Variants in SEL1L observed in about 807,000 individuals in gnomAD.
SEL1L encodes the protein SEL1L adaptor subunit of SYVN1 ubiquitin ligase.
SEL1L carries 52 observed loss-of-function variants against 109.8 expected under a neutral mutation model. That is an observed-to-expected ratio of 0.47 (90% CI 0.38 to 0.60). The LOEUF (loss-of-function observed/expected upper bound fraction) is 0.60, where lower values mean the gene tolerates loss of function less well. SEL1L is among the 20% of genes least tolerant of loss of function. The pLI is 0.00. For missense variants in SEL1L, 749 were observed against 962.2 expected, an observed-to-expected ratio of 0.78 and a Z score of 2.93; for synonymous variants, 373 against 339.6, an observed-to-expected ratio of 1.10 and a Z score of -1.08.
At chr14:81,480,847 G>A (rs1903331751) in intron 19 of SEL1L, among the ~76,000 whole-genome samples, 3 of 152,194 alleles carry the variant, frequency 2.0e-5, no homozygotes, top group Admixed American at 6.5e-5. Context: ...TGTATGCACA[G>A]CAACGTTTCT....
At chr14:81,487,729 T>G in intron 15 of SEL1L, 126 bp downstream of exon 15, 1 of 1,516,728 alleles carries the variant, frequency 6.6e-7, no homozygotes, top group Non-Finnish European at 8.8e-7. Flanking sequence ...TACAAATCAT[T>G]GAACTGGGAG....
chr14:81,487,726 C>T, intron 15 of SEL1L, 129 bp downstream of exon 15: 1 of 1,513,258 alleles, frequency 6.6e-7, no homozygotes, highest in Non-Finnish European at 8.8e-7. Context: ...ATGTACAAAT[C>T]ATTGAACTGG....
At chr14:81,529,637 G>A (rs1885250523) in intron 1 of SEL1L, among the ~76,000 whole-genome samples, 8 of 152,156 alleles carry the variant, frequency 5.3e-5, no homozygotes, top group Admixed American at 5.2e-4. Flanking sequence ...TATTTCATGT[G>A]AATTGCATCA....
chr14:81,496,181 G>A (rs555705786), intron 10 of SEL1L, among the ~76,000 whole-genome samples: 4 of 151,880 alleles, frequency 2.6e-5, no homozygotes, highest in Admixed American at 1.3e-4. Context: ...AAAATTAGCC[G>A]GGCATGGTAG....
chr14:81,475,514 G>C lies in SEL1L; in HGVS notation c.*1458C>G, dbSNP rs533684385. The C allele has an allele frequency of 6.6e-6, 1 of 152,182 alleles. No individual in the cohort carries two copies. Among genetic ancestry groups the C allele is most frequent in the South Asian group, 2.1e-4 (1 of 4,828 alleles). 9.4% of individuals were successfully genotyped at this position (152,182 alleles called of 1,614,324 possible). ...ACTTTTCAAGTTTTCTGGCAGATGA[G>C]GGATTCTGGGAAAAAAGCATGAAGG... On this transcript the variant is annotated 3_prime_UTR_variant, in exon 21 of 21. Transcript: ENST00000336735.
intron 4 of SEL1L, among the ~76,000 whole-genome samples, chr14:81,505,873 C>T (rs1884219113): frequency 6.6e-6 from 1 of 152,140 alleles, no homozygotes; most frequent in East Asian, 1.9e-4. Flanking sequence ...CTAAATAAAA[C>T]GTGAGTGTGA....
chr14:81,525,660 T>C (rs986287884), intron 3 of SEL1L, among the ~76,000 whole-genome samples: 3 of 152,136 alleles, frequency 2.0e-5, no homozygotes, highest in South Asian at 2.1e-4. Context: ...TTTTCACAGA[T>C]AGGCACAAAG....
chr14:81,527,166 T>TA (rs1173974812), intron 2 of SEL1L, among the ~76,000 whole-genome samples: 26 of 152,146 alleles, frequency 1.7e-4, no homozygotes, highest in African/African-American at 6.3e-4. Flanking sequence ...AATTTCAACT[T>TA]AGATGTTACT....
intron 3 of SEL1L, among the ~76,000 whole-genome samples, chr14:81,518,655 C>T (rs7144154): frequency 0.064 from 7,531 of 117,156 alleles, 730 homozygotes; most frequent in African/African-American, 0.24. Context: ...AGCGAGACTT[C>T]GTCTAAAAAA....
chr14:81,498,635 T>C, intron 8 of SEL1L, 141 bp from the exon 9 acceptor site: 2 of 624,416 alleles, frequency 3.2e-6, no homozygotes, highest in Non-Finnish European at 5.7e-6. Flanking sequence ...TGCTAAGTGT[T>C]AGGTTTTGAG....
chr14:81,508,799 G>A (rs1448705770), intron 3 of SEL1L, among the ~76,000 whole-genome samples: 2 of 152,144 alleles, frequency 1.3e-5, no homozygotes, highest in Non-Finnish European at 2.9e-5. Context: ...AGAAATCTTT[G>A]TCTTAAAAAC....
chr14:81,479,857 C>T (rs1903291766), intron 19 of SEL1L, 117 bp from the exon 20 acceptor site: 2 of 976,502 alleles, frequency 2.0e-6, no homozygotes, highest in Non-Finnish European at 2.9e-6. Flanking sequence ...AATGAGTTTC[C>T]CTCACCTAAA....
chr14:81,506,516 T>C lies in SEL1L; in HGVS notation c.341-275A>G, dbSNP rs117154944. The stretch of plus-strand genomic sequence containing the variant: ...ACCTTAGAATATTAAAGGTCTACTG[T>C]AAAACTCCTGCCCAAAAAGTAAGCA... On this transcript the variant is annotated intron_variant, in intron 3 of 20. Transcript: ENST00000336735. Among the ~76,000 whole-genome samples the C allele has an allele frequency of 2.6e-5, 4 of 152,320 alleles. No individual in the cohort carries two copies. In the East Asian group the frequency reaches 5.8e-4, roughly 22 times the overall value.
intron 3 of SEL1L, among the ~76,000 whole-genome samples, chr14:81,509,003 G>C (rs966380747): frequency 6.6e-6 from 1 of 152,174 alleles, no homozygotes; most frequent in Non-Finnish European, 1.5e-5. Flanking sequence ...GAATCCTCAG[G>C]AGGCACTTGC....
At position 81,479,751 on chromosome 14, in the gene SEL1L, G is replaced by C; in HGVS notation, c.2047-11C>G. On this transcript the variant is annotated splice_polypyrimidine_tract_variant and intron_variant, in intron 19 of 20. Coordinates refer to ENST00000336735, the MANE Select transcript of SEL1L (RefSeq NM_005065.6). Reference sequence around the variant, plus strand: ...CGCAAGGTGAATATCCTATAATACAGGTAAGAAACAAAAATGCATTTCTTG... The same window carrying C: ...CGCAAGGTGAATATCCTATAATACACGTAAGAAACAAAAATGCATTTCTTG... 1.9e-6 allele frequency: 3 copies of C among 1,581,752 alleles called. No individual in the cohort carries two copies.
chr14:81,522,783 C>T (rs146911899), intron 3 of SEL1L, among the ~76,000 whole-genome samples: 6 of 152,274 alleles, frequency 3.9e-5, no homozygotes, highest in Admixed American at 1.3e-4. Context: ...ATATAACCTA[C>T]GCAATCCTCC....
At chr14:81,532,146 G>A (rs924994535) in intron 1 of SEL1L, among the ~76,000 whole-genome samples, 1 of 152,220 alleles carries the variant, frequency 6.6e-6, no homozygotes, top group East Asian at 1.9e-4. Context: ...TATATAAAAT[G>A]CAGTCAAAGA....
At chr14:81,487,294 C>T (rs2139994072) in intron 16 of SEL1L, 96 bp downstream of exon 16, 2 of 1,224,454 alleles carry the variant, frequency 1.6e-6, no homozygotes, top group South Asian at 1.7e-5. Context: ...TCTAGAACTA[C>T]AGAAGAAAAC....
Position 81,476,911 on chromosome 14 carries a change from C to A in SEL1L, c.*61G>T. 5 of 1,553,440 alleles carry A rather than the reference C, an allele frequency of 3.2e-6. No homozygotes were observed. The highest frequency in any genetic ancestry group is 4.4e-6 in the Non-Finnish European group (5 of 1,134,458). On this transcript the variant is annotated 3_prime_UTR_variant, in exon 21 of 21. Transcript: ENST00000336735. ...CTGATCCAAGGTCCTAAATCAAATG[C>A]AAGTGTTCCCAGCAGATAACTTCCT...
Sources: allele counts gnomAD v4.1 joint callset (sites outside exome capture counted in the v4.1 genomes callset), GRCh38; gene constraint gnomAD v4.1.1; transcripts MANE v1.5; gene names NCBI Gene and HGNC (gene_info 2026-07-23, HGNC 2026-07-21).